The following MELK variants were observed in gnomAD, a reference collection of about 807,000 sequenced individuals.
MELK encodes the protein maternal embryonic leucine zipper kinase, also known as pEg3 kinase.
MELK carries 81 observed loss-of-function variants against 85.0 expected under a neutral mutation model. The ratio of observed to expected loss-of-function variants is 0.95; its 90% confidence interval spans 0.80 to 1.15. MELK has a LOEUF of 1.15. MELK is among the 50% of genes most tolerant of loss of function. The pLI is 0.00. For synonymous variants in MELK, 252 were observed against 265.0 expected (o/e 0.95, Z 0.48); for missense variants, 754 against 777.5 (o/e 0.97, Z 0.36).
chr9:36,664,547 C>T (rs1832150913), intron 13 of MELK, among the ~76,000 whole-genome samples: 1 of 152,204 alleles, frequency 6.6e-6, no homozygotes, highest in Non-Finnish European at 1.5e-5. Context: ...CTTTATTTAT[C>T]TGAAGACTGG....
At chr9:36,648,854 G>C (rs994245094) in intron 11 of MELK, among the ~76,000 whole-genome samples, 2 of 152,052 alleles carry the variant, frequency 1.3e-5, no homozygotes, top group Admixed American at 6.6e-5. Context: ...TCACTTTTAA[G>C]TAGAAACAGA....
chr9:36,596,084 G>C (rs1824199448), intron 5 of MELK, among the ~76,000 whole-genome samples: 1 of 152,134 alleles, frequency 6.6e-6, no homozygotes, highest in African/African-American at 2.4e-5. Flanking sequence ...CCAAAGTGCT[G>C]GGATTACAGG....
intron 8 of MELK, among the ~76,000 whole-genome samples, chr9:36,624,245 A>G (rs944077186): frequency 4.6e-5 from 7 of 152,046 alleles, no homozygotes; most frequent in African/African-American, 1.7e-4. Flanking sequence ...CACCACACCC[A>G]GCTAATTTTT....
At chr9:36,579,954 A>G (rs968273713) in intron 1 of MELK, among the ~76,000 whole-genome samples, 1 of 151,960 alleles carries the variant, frequency 6.6e-6, no homozygotes, top group African/African-American at 2.4e-5. Context: ...AATAAAATAC[A>G]TATCATATAC....
At chr9:36,646,566 G>T (rs1011091034) in intron 11 of MELK, among the ~76,000 whole-genome samples, 26 of 152,210 alleles carry the variant, frequency 1.7e-4, no homozygotes, top group African/African-American at 5.1e-4. Flanking sequence ...ATTCCCAACA[G>T]TGCTTTCCTT....
intron 11 of MELK, among the ~76,000 whole-genome samples, chr9:36,646,627 C>T (rs1460793488): frequency 2.0e-5 from 3 of 152,318 alleles, no homozygotes; most frequent in East Asian, 3.9e-4. Context: ...GTGGCAGCAG[C>T]CAGTCCTCTG....
Position 36,574,452 on chromosome 9 carries a change from AATT to A in MELK, c.-39+1447_-39+1449del, listed in dbSNP as rs1345332568. On this transcript the variant is annotated intron_variant, in intron 1 of 17. Transcript: ENST00000298048. The stretch of plus-strand genomic sequence containing the variant: ...ATACAAAAAAAAAAAAAAAAAAAAA[AATT>A]AACCGGGCATGGTGGCGCATGCCTG... Among the ~76,000 whole-genome samples, 997 of 147,188 alleles carry A rather than the reference AATT, an allele frequency of 6.8e-3. 7 individuals carry two copies. Among genetic ancestry groups the A allele is most frequent in the Non-Finnish European group, 0.011 (748 of 67,706 alleles).
At chr9:36,666,853 T>TG (rs1832383352) in intron 14 of MELK, among the ~76,000 whole-genome samples, 8 of 130,746 alleles carry the variant, frequency 6.1e-5, no homozygotes, top group African/African-American at 2.0e-4. Flanking sequence ...ATGTCTGTGT[T>TG]TGTGTGTGTG....
In MELK at chr9:36,604,705, G is replaced by A. The variant is rs528677981; in HGVS notation, c.568-2870G>A. On this transcript the variant is annotated intron_variant, in intron 7 of 17. Transcript: ENST00000298048. ...GTCACTCAGGCTGGAGTGCAATGGC[G>A]TGATCTTGGCTCACTGCAACCTCCA... Among the ~76,000 whole-genome samples, 26 of 150,380 alleles carry A rather than the reference G, an allele frequency of 1.7e-4. No individual in the cohort carries two copies. In the South Asian group the frequency reaches 5.3e-3, roughly 30 times the overall value.
At chr9:36,636,802 T>TCTGTCTGTCTGTCTG (rs1829243605) in intron 10 of MELK, among the ~76,000 whole-genome samples, 4 of 75,318 alleles carry the variant, frequency 5.3e-5, no homozygotes, top group Admixed American at 1.7e-4. Flanking sequence ...CTTTCTTTCT[T>TCTGTCTGTCTGTCTG]TCTGTCTTTC....
chr9:36,649,489 G>T (rs896007091), intron 11 of MELK, among the ~76,000 whole-genome samples: 1 of 150,824 alleles, frequency 6.6e-6, no homozygotes, highest in Non-Finnish European at 1.5e-5. Flanking sequence ...AGAACAGCTA[G>T]GCACGGTGGC....
chr9:36,602,981 A>G (rs953195832), intron 7 of MELK, among the ~76,000 whole-genome samples: 2 of 152,200 alleles, frequency 1.3e-5, no homozygotes, highest in South Asian at 2.1e-4. Context: ...GTGAGATTTG[A>G]GTGGAGTGAG....
chr9:36,662,621 T>C (rs1261700186), intron 13 of MELK, among the ~76,000 whole-genome samples: 1 of 152,246 alleles, frequency 6.6e-6, no homozygotes, highest in Non-Finnish European at 1.5e-5. Flanking sequence ...CCCTCCTGGA[T>C]TCCATGCTAT....
At chr9:36,597,333 AT>A in intron 6 of MELK, 43 bp downstream of exon 6, 1 of 1,526,482 alleles carries the variant, frequency 6.6e-7, no homozygotes, top group Non-Finnish European at 9.0e-7. Flanking sequence ...TTGTAAATGC[AT>A]TTATTTCTTA....
At chr9:36,574,451 AAATT>A (rs1283188050) in intron 1 of MELK, among the ~76,000 whole-genome samples, 1 of 149,702 alleles carries the variant, frequency 6.7e-6, no homozygotes, top group African/African-American at 2.5e-5. Flanking sequence ...AAAAAAAAAA[AAATT>A]AACCGGGCAT....
chr9:36,625,627 A>G (rs980586757), intron 8 of MELK, among the ~76,000 whole-genome samples: 2 of 152,170 alleles, frequency 1.3e-5, no homozygotes, highest in African/African-American at 4.8e-5. Flanking sequence ...CTGTAGTTCA[A>G]AAACAAACTT....
chr9:36,576,823 T>C (rs1821710221), intron 1 of MELK, among the ~76,000 whole-genome samples: 1 of 152,162 alleles, frequency 6.6e-6, no homozygotes, highest in Non-Finnish European at 1.5e-5. Flanking sequence ...GGAGCCATTG[T>C]GCCCAGCCGT....
intron 16 of MELK, 138 bp from the exon 17 acceptor site, chr9:36,674,696 A>G (rs985340043): frequency 4.2e-6 from 2 of 478,418 alleles, no homozygotes; most frequent in Admixed American, 3.8e-5. Context: ...TTGACTGTAA[A>G]TTCCTTTGAT....
rs1350732774 is a variant in MELK at position 36,665,443 on chromosome 9, G to T, written c.1270G>T (p.Glu424Ter). ...RTPANKLKNK[E>*]NVYTPKSAVK... ...ACCTGCAAATAAATTAAAGAACAAA[G>T]AAAATGTATATACTCCTAAGTCTGC... The change falls in exon 14 of 18, where the codon GAA becomes TAA. Residue 424 changes from glutamate to a stop codon, truncating the protein, a stop_gained. Coordinates refer to ENST00000298048, the MANE Select transcript of MELK (RefSeq NM_014791.4). LOFTEE classifies it high-confidence loss of function. 1.1e-5 allele frequency: 17 copies of T among 1,613,050 alleles called. No homozygotes were observed. The highest frequency in any genetic ancestry group is 1.4e-5 in the Non-Finnish European group (16 of 1,179,416).
Sources: gnomAD v4.1 joint callset for allele counts (sites outside exome capture counted in the v4.1 genomes callset) on GRCh38, gnomAD v4.1.1 for gene constraint, MANE v1.5 for transcripts, NCBI Gene and HGNC (gene_info 2026-07-23, HGNC 2026-07-21) for gene names.